Variants in IPO11 observed in about 807,000 individuals in gnomAD.
IPO11 encodes the protein importin 11, also known as importin-11.
IPO11 carries 66 observed loss-of-function variants against 143.2 expected under a neutral mutation model. That is an observed-to-expected ratio of 0.46 (90% CI 0.38 to 0.57). IPO11 has a LOEUF of 0.57. Among genes scored for constraint, IPO11 ranks in the 20% least tolerant of loss-of-function variants. The pLI, the probability that IPO11 is intolerant of heterozygous loss-of-function variation, is 0.00. For missense variants in IPO11, 1,026 were observed against 1,141.0 expected, an observed-to-expected ratio of 0.90 and a Z score of 1.45; for synonymous variants, 385 against 377.8, an observed-to-expected ratio of 1.02 and a Z score of -0.22.
chr5:62,503,676 C>G (rs546759512), intron 16 of IPO11, among the ~76,000 whole-genome samples: 6 of 152,132 alleles, frequency 3.9e-5, no homozygotes, highest in African/African-American at 1.4e-4. Context: ...TTCACATTGC[C>G]TTTAGAGACA....
At chr5:62,538,122 A>G (rs530566355) in intron 24 of IPO11, among the ~76,000 whole-genome samples, 1 of 152,356 alleles carries the variant, frequency 6.6e-6, no homozygotes, top group East Asian at 1.9e-4. Context: ...CTATCACAAC[A>G]AAGTAGCATT....
chr5:62,488,673 G>A (rs1465807267), intron 13 of IPO11, among the ~76,000 whole-genome samples: 1 of 152,150 alleles, frequency 6.6e-6, no homozygotes, highest in Non-Finnish European at 1.5e-5. Flanking sequence ...AAAAATGCCA[G>A]GTGTAGTGGT....
At chr5:62,605,569 A>G (rs529820949) in intron 29 of IPO11, among the ~76,000 whole-genome samples, 2 of 151,994 alleles carry the variant, frequency 1.3e-5, no homozygotes, top group East Asian at 3.9e-4. Flanking sequence ...CTTTACTATA[A>G]AGACTTCAGC....
In IPO11 at chr5:62,627,294, A is replaced by G. The variant is rs142247285; in HGVS notation, c.2904A>G (p.Leu968=). 1.7e-5 allele frequency: 27 copies of G among 1,613,802 alleles called. No individual in the cohort carries two copies. The East Asian group carries it at 5.8e-4, about 35-fold the overall frequency. ...TGGATACGGAGATTGTCACCCAGCTACAGGAGTTTTTGCAAGGATTCTAAG... is the reference window on the plus strand; with the variant it reads ...TGGATACGGAGATTGTCACCCAGCTGCAGGAGTTTTTGCAAGGATTCTAAG... ...ETVDTEIVTQ[L]QEFLQGF is the part of the protein sequence containing the mutation. The change falls in exon 30 of 30, where the codon CTA becomes CTG. Residue 968 remains leucine, a synonymous_variant. Coordinates refer to ENST00000325324, the MANE Select transcript of IPO11 (RefSeq NM_016338.5).
chr5:62,472,737 C>A (rs2112203346), intron 7 of IPO11, among the ~76,000 whole-genome samples: 1 of 152,108 alleles, frequency 6.6e-6, no homozygotes, highest in South Asian at 2.1e-4. Context: ...CAATGTTGGC[C>A]AGGCTGGTCT....
chr5:62,475,397 C>T (rs777917383), intron 8 of IPO11, among the ~76,000 whole-genome samples: 4 of 152,032 alleles, frequency 2.6e-5, no homozygotes, highest in Admixed American at 6.6e-5. Context: ...ATGGTGTGTG[C>T]CTGTAGTCCC....
intron 20 of IPO11, among the ~76,000 whole-genome samples, chr5:62,520,722 A>G (rs1172390869): frequency 6.6e-6 from 1 of 152,224 alleles, no homozygotes; most frequent in African/African-American, 2.4e-5. Flanking sequence ...CATAGTGTAT[A>G]TGTGCCATGT....
At chr5:62,562,394 CT>C (rs1402822781) in intron 27 of IPO11, among the ~76,000 whole-genome samples, 9 of 152,128 alleles carry the variant, frequency 5.9e-5, no homozygotes, top group African/African-American at 2.2e-4. Flanking sequence ...TTTCCATGAA[CT>C]GGGGGAGGGG....
At chr5:62,615,659 C>A (rs908020352) in intron 29 of IPO11, among the ~76,000 whole-genome samples, 1 of 152,136 alleles carries the variant, frequency 6.6e-6, no homozygotes. Flanking sequence ...CAGGCAGCAT[C>A]CAATCTGCAA....
chr5:62,495,362 T>C (rs1406462080), intron 16 of IPO11, among the ~76,000 whole-genome samples: 2 of 152,242 alleles, frequency 1.3e-5, no homozygotes, highest in Non-Finnish European at 2.9e-5. Context: ...GTTGGAAATA[T>C]TTGCCCTTCT....
At chr5:62,538,169 A>G (rs2112326382) in intron 24 of IPO11, among the ~76,000 whole-genome samples, 1 of 152,320 alleles carries the variant, frequency 6.6e-6, no homozygotes. Flanking sequence ...TAGAGCCTAA[A>G]AATGATTTCA....
At chr5:62,600,718 A>C (rs899259123) in intron 28 of IPO11, among the ~76,000 whole-genome samples, 1 of 152,200 alleles carries the variant, frequency 6.6e-6, no homozygotes, top group African/African-American at 2.4e-5. Context: ...TTGCAGCCCC[A>C]GGTCAAGGCC....
intron 2 of IPO11, among the ~76,000 whole-genome samples, chr5:62,438,332 G>A (rs984781742): frequency 3.3e-5 from 5 of 151,840 alleles, no homozygotes; most frequent in Admixed American, 6.6e-5. Context: ...ATGGCTGTTT[G>A]GCTCAGTAAC....
At position 62,514,475 on chromosome 5, in the gene IPO11, G is replaced by A. The variant is rs531416465; in HGVS notation, c.1783-913G>A. Among the ~76,000 whole-genome samples the A allele has an allele frequency of 3.0e-4, 45 of 151,822 alleles. 1 individual carries two copies. The South Asian group carries it at 6.9e-3, about 23-fold the overall frequency. ...GGCGTGGCGGCGCACGCCTGCAATC[G>A]CAGGCACTTGGCAGGCTGAGGCAGG... is the stretch of plus-strand genomic sequence containing the variant. On this transcript the variant is annotated intron_variant, in intron 19 of 29. Coordinates refer to ENST00000325324, the MANE Select transcript of IPO11 (RefSeq NM_016338.5).
At chr5:62,591,066 A>T (rs1390911440) in intron 27 of IPO11, among the ~76,000 whole-genome samples, 2 of 152,178 alleles carry the variant, frequency 1.3e-5, no homozygotes, top group Non-Finnish European at 2.9e-5. Flanking sequence ...CCAAGTAGCT[A>T]GGACTATAGG....
chr5:62,521,774 G>A (rs893463919), intron 20 of IPO11, among the ~76,000 whole-genome samples: 2 of 151,002 alleles, frequency 1.3e-5, no homozygotes, highest in African/African-American at 4.9e-5. Context: ...ACTTTCTAGG[G>A]AATTTTCTCA....
At position 62,627,181 on chromosome 5, in the gene IPO11, G is replaced by C. The variant is rs763149058; in HGVS notation, c.2791G>C (p.Val931Leu). 1 of 1,614,064 alleles carries C rather than the reference G, an allele frequency of 6.2e-7. No individual in the cohort carries two copies. The highest frequency in any genetic ancestry group is 1.3e-5 in the African/African-American group (1 of 75,050). Residue 931 changes from valine (V) to leucine (L), a missense_variant, in exon 30 of 30, where the codon GTG (valine) becomes CTG (leucine). This residue lies in a region of IPO11 where 351 missense variants were observed against 358.9 expected (regional missense o/e 0.98). Transcript: ENST00000325324. ...GGCCCTGAAGGACCCTGTTCATACA[G>C]TGTCACTGCAGCAGTTCATCTACGA... ...MLALKDPVHT[V>L]SLQQFIYEKL...
At chr5:62,580,408 G>T (rs1313840796) in intron 27 of IPO11, 1 of 1,550,982 alleles carries the variant, frequency 6.4e-7, no homozygotes. Context: ...TGAAAATATG[G>T]GAGCATCTTT....
intron 27 of IPO11, among the ~76,000 whole-genome samples, chr5:62,576,754 A>G (rs1580342680): frequency 6.6e-6 from 1 of 152,202 alleles, no homozygotes; most frequent in South Asian, 2.1e-4. Flanking sequence ...TTGCACTCCA[A>G]CCCAGCCGAC....
Sources: gnomAD v4.1 joint callset for allele counts (sites outside exome capture counted in the v4.1 genomes callset) on GRCh38, gnomAD v4.1.1 for gene constraint, gnomAD v4.1.1 regional missense constraint, MANE v1.5 for transcripts, NCBI Gene and HGNC (gene_info 2026-07-23, HGNC 2026-07-21) for gene names.